The following DCLK2 variants were observed in gnomAD, a reference collection of about 807,000 sequenced individuals.
DCLK2 encodes the protein doublecortin like kinase 2, also known as serine/threonine-protein kinase DCLK2.
In DCLK2, 31 loss-of-function variants were observed where a neutral mutation model predicts 78.4. The ratio of observed to expected loss-of-function variants is 0.40; its 90% CI spans 0.30 to 0.53. DCLK2 has a LOEUF of 0.53. Among genes scored for constraint, DCLK2 ranks in the 20% least tolerant of loss-of-function variants. The pLI is 0.61. For synonymous variants in DCLK2, 407 were observed against 374.9 expected (o/e 1.09, Z -0.99); for missense variants, 872 against 973.7 (o/e 0.90, Z 1.39).
intron 2 of DCLK2, among the ~76,000 whole-genome samples, chr4:150,141,084 T>C (rs1734072341): frequency 6.6e-6 from 1 of 152,216 alleles, no homozygotes; most frequent in South Asian, 2.1e-4. Flanking sequence ...GTTCTTGTTT[T>C]AGGGTGGCAG....
chr4:150,156,531 C>A (rs1735285319), intron 2 of DCLK2, among the ~76,000 whole-genome samples: 1 of 139,234 alleles, frequency 7.2e-6, no homozygotes. Context: ...AATAGCCGGG[C>A]ATGGTGGCAC....
In DCLK2 at chr4:150,088,395, CTT is replaced by C. The variant is rs5862904; in HGVS notation, c.421+8957_421+8958del. On this transcript the variant is annotated intron_variant, in intron 1 of 15. Transcript: ENST00000296550. ...CTTGATAAATGGTGGTGGTCCTCAGCTTTTTTTTTTTCGTATATATATCTTTT... is the reference window on the plus strand; with the variant it reads ...CTTGATAAATGGTGGTGGTCCTCAGCTTTTTTTTTCGTATATATATCTTTT... Among the ~76,000 whole-genome samples, 562 of 146,968 alleles carry C rather than the reference CTT, an allele frequency of 3.8e-3. 6 individuals carry two copies. The highest frequency in any genetic ancestry group is 0.011 in the Middle Eastern group (3 of 284).
chr4:150,255,794 G>C (rs1329919163), intron 15 of DCLK2, among the ~76,000 whole-genome samples: 1 of 152,150 alleles, frequency 6.6e-6, no homozygotes, highest in African/African-American at 2.4e-5. Flanking sequence ...GTGTGTCCTG[G>C]GCTGCCAGCC....
At position 150,256,447 on chromosome 4, in the gene DCLK2, T is replaced by A; in HGVS notation, c.*200T>A. On this transcript the variant is annotated 3_prime_UTR_variant, in exon 16 of 16. Coordinates refer to ENST00000296550, the MANE Select transcript of DCLK2 (RefSeq NM_001040260.4). Reference sequence around the variant, plus strand: ...GCTCTGGGCTCTGCCTTCTGGTTCCTGGAGGCATCAAAGGCTGCATCCGTT... The same window carrying A: ...GCTCTGGGCTCTGCCTTCTGGTTCCAGGAGGCATCAAAGGCTGCATCCGTT... 1 of 643,004 alleles carries A rather than the reference T, an allele frequency of 1.6e-6. No individual in the cohort carries two copies. Among genetic ancestry groups the A allele is most frequent in the Non-Finnish European group, 2.5e-6 (1 of 398,024 alleles). The allele number at this position is 643,004 out of a possible 1,614,324, so 39.8% of individuals were successfully genotyped here.
intron 2 of DCLK2, among the ~76,000 whole-genome samples, chr4:150,169,326 A>G (rs762183599): frequency 6.6e-6 from 1 of 152,252 alleles, no homozygotes; most frequent in Non-Finnish European, 1.5e-5. Context: ...TTATTTGAGC[A>G]TAGAATGATT....
chr4:150,183,026 T>A (rs1422049097), intron 2 of DCLK2, among the ~76,000 whole-genome samples: 2 of 152,002 alleles, frequency 1.3e-5, no homozygotes, highest in Non-Finnish European at 2.9e-5. Context: ...AGAAAATCCA[T>A]AAAAAATGCT....
chr4:150,181,171 A>G (rs1737485242), intron 2 of DCLK2, among the ~76,000 whole-genome samples: 1 of 152,174 alleles, frequency 6.6e-6, no homozygotes, highest in African/African-American at 2.4e-5. Context: ...ATTTTTAAAA[A>G]TTTAATAAAT....
chr4:150,233,461 ATTATT>A (rs1742235296), intron 10 of DCLK2, among the ~76,000 whole-genome samples: 1 of 152,206 alleles, frequency 6.6e-6, no homozygotes, highest in Non-Finnish European at 1.5e-5. Context: ...GAGCAGGAAA[ATTATT>A]TTATAGGGCA....
chr4:150,171,880 T>G (rs1234616953), intron 2 of DCLK2, among the ~76,000 whole-genome samples: 2 of 152,208 alleles, frequency 1.3e-5, no homozygotes, highest in Non-Finnish European at 2.9e-5. Flanking sequence ...CTAAGGAAGC[T>G]TTTTCAGGGT....
chr4:150,207,832 A>G (rs954978465), intron 5 of DCLK2, among the ~76,000 whole-genome samples: 2 of 152,204 alleles, frequency 1.3e-5, no homozygotes, highest in Non-Finnish European at 2.9e-5. Context: ...GTTAAAGACT[A>G]TAAGGGAGAC....
intron 1 of DCLK2, among the ~76,000 whole-genome samples, chr4:150,084,798 C>T (rs1294783706): frequency 1.3e-5 from 2 of 152,214 alleles, no homozygotes; most frequent in African/African-American, 2.4e-5. Flanking sequence ...CTCGTGAGGC[C>T]GAGAGGAGTT....
intron 1 of DCLK2, among the ~76,000 whole-genome samples, chr4:150,083,045 C>G (rs1424006427): frequency 2.0e-5 from 3 of 152,146 alleles, no homozygotes; most frequent in Non-Finnish European, 4.4e-5. Context: ...TGGCAGACCA[C>G]CTAAGTTAGG....
At chr4:150,138,577 T>A (rs1487514945) in intron 2 of DCLK2, among the ~76,000 whole-genome samples, 1 of 152,214 alleles carries the variant, frequency 6.6e-6, no homozygotes, top group African/African-American at 2.4e-5. Flanking sequence ...TACTCAGCAC[T>A]TAGAACAGGC....
intron 2 of DCLK2, among the ~76,000 whole-genome samples, chr4:150,125,450 T>G (rs1732854587): frequency 6.6e-6 from 1 of 152,218 alleles, no homozygotes; most frequent in South Asian, 2.1e-4. Flanking sequence ...CAACCATCAA[T>G]GATATTCAAA....
intron 14 of DCLK2, among the ~76,000 whole-genome samples, chr4:150,249,300 G>A (rs1173563465): frequency 6.6e-6 from 1 of 152,118 alleles, no homozygotes; most frequent in Non-Finnish European, 1.5e-5. Context: ...CCTGCTTTGT[G>A]TCCCGGGAGA....
chr4:150,234,019 G>C (rs576284425), intron 10 of DCLK2, among the ~76,000 whole-genome samples: 2 of 152,132 alleles, frequency 1.3e-5, no homozygotes, highest in African/African-American at 2.4e-5. Context: ...TGCTTGGGAG[G>C]CAAGCTTATC....
chr4:150,112,830 G>T (rs184407409), intron 2 of DCLK2, among the ~76,000 whole-genome samples: 1 of 108,472 alleles, frequency 9.2e-6, no homozygotes, highest in Non-Finnish European at 1.7e-5. Context: ...CCCCCGCCCC[G>T]GACAGAGTCT....
chr4:150,156,454 T>G (rs977102820), intron 2 of DCLK2, among the ~76,000 whole-genome samples: 1 of 151,012 alleles, frequency 6.6e-6, no homozygotes, highest in Non-Finnish European at 1.5e-5. Context: ...AAAAACCAGA[T>G]GGGGCAACAT....
At position 150,239,600 on chromosome 4, in the gene DCLK2, T is replaced by TA; in HGVS notation, c.1567-142_1567-141insA. 8.7e-6 allele frequency: 10 copies of TA among 1,143,906 alleles called. No individual in the cohort carries two copies. In the South Asian group the frequency reaches 1.6e-4, roughly 18 times the overall value. The allele number at this position is 1,143,906 out of a possible 1,614,324, so 70.9% of individuals were successfully genotyped here. On this transcript the variant is annotated intron_variant, in intron 10 of 15. Coordinates refer to ENST00000296550, the MANE Select transcript of DCLK2 (RefSeq NM_001040260.4). ...TGGGCAACAAAGCGAGACCGTGTCTTCAAAAAAAAAAATCACAAGGAGAGA... is the reference window on the plus strand; with the variant it reads ...TGGGCAACAAAGCGAGACCGTGTCTTACAAAAAAAAAAATCACAAGGAGAGA...
Sources: allele counts gnomAD v4.1 joint callset (sites outside exome capture counted in the v4.1 genomes callset), GRCh38; gene constraint gnomAD v4.1.1; transcripts MANE v1.5; gene names NCBI Gene and HGNC (gene_info 2026-07-23, HGNC 2026-07-21).